Variants in FAM3C observed in about 807,000 individuals in gnomAD.
The protein encoded by FAM3C is protein FAM3C.
In FAM3C, 15 loss-of-function variants were observed where a neutral mutation model predicts 32.5. The ratio of observed to expected loss-of-function variants is 0.46; its 90% CI spans 0.31 to 0.71. FAM3C has a LOEUF of 0.71. Ranked by LOEUF, FAM3C falls within the 30% of genes least tolerant of loss-of-function variation. FAM3C has a pLI of 0.05. For missense variants in FAM3C, 175 were observed against 274.4 expected (o/e 0.64, Z 2.56); for synonymous variants, 75 against 86.1 (o/e 0.87, Z 0.72).
intron 2 of FAM3C, among the ~76,000 whole-genome samples, chr7:121,379,926 A>G (rs1412065526): frequency 6.6e-6 from 1 of 152,138 alleles, no homozygotes; most frequent in Non-Finnish European, 1.5e-5. Flanking sequence ...ATACTAATCA[A>G]TCCCTGCCTC....
intron 8 of FAM3C, among the ~76,000 whole-genome samples, chr7:121,358,508 T>C (rs1012080725): frequency 4.6e-5 from 7 of 152,046 alleles, no homozygotes; most frequent in African/African-American, 1.7e-4. Flanking sequence ...AGGCATGAAG[T>C]ACAATTACTT....
intron 1 of FAM3C, among the ~76,000 whole-genome samples, chr7:121,383,347 T>C (rs1426325985): frequency 6.6e-6 from 1 of 152,166 alleles, no homozygotes; most frequent in African/African-American, 2.4e-5. Context: ...ACCTTCAGTT[T>C]GCAGATGATG....
Position 121,349,531 on chromosome 7 carries a change from T to G in FAM3C, c.*930A>C, listed in dbSNP as rs574121233. ...TCGGGCAATAATTGCTATTATGAAGTTAGATAAACACAGGATTAATTTCTT... is the reference window on the plus strand; with the variant it reads ...TCGGGCAATAATTGCTATTATGAAGGTAGATAAACACAGGATTAATTTCTT... On this transcript the variant is annotated 3_prime_UTR_variant, in exon 10 of 10. Coordinates refer to ENST00000359943, the MANE Select transcript of FAM3C (RefSeq NM_014888.3). 3.9e-5 allele frequency: 6 copies of G among 152,254 alleles called. No homozygotes were observed. The South Asian group carries it at 1.0e-3, about 26-fold the overall frequency. 9.4% of individuals were successfully genotyped at this position (152,254 alleles called of 1,614,324 possible). A position where few individuals can be genotyped will look rare whatever the true frequency, so the allele number is the denominator to read the frequency against.
chr7:121,363,234 C>T (rs764007479), intron 6 of FAM3C, among the ~76,000 whole-genome samples: 83 of 152,066 alleles, frequency 5.5e-4, no homozygotes, highest in Non-Finnish European at 2.5e-4. Context: ...TAGACCATTC[C>T]AATTCGGTTA....
intron 1 of FAM3C, among the ~76,000 whole-genome samples, chr7:121,395,464 TA>T (rs74647810): frequency 0.037 from 5,215 of 141,720 alleles, 305 homozygotes; most frequent in African/African-American, 0.12. Context: ...TATTTTTTCT[TA>T]AAAAAAAAAA....
chr7:121,379,124 G>A (rs900372902), intron 2 of FAM3C, 110 bp from the exon 3 acceptor site: 37 of 616,004 alleles, frequency 6.0e-5, no homozygotes, highest in Non-Finnish European at 9.8e-5. Flanking sequence ...TTTCTACTTT[G>A]TATCTATTAG....
intron 7 of FAM3C, 73 bp from the exon 8 acceptor site, chr7:121,360,200 AT>A (rs1793891959): frequency 6.4e-6 from 5 of 780,292 alleles, no homozygotes; most frequent in South Asian, 3.0e-5. Context: ...TGAAAGTAGT[AT>A]TATAAAACAT....
At chr7:121,367,968 G>A (rs1794057111) in intron 5 of FAM3C, among the ~76,000 whole-genome samples, 1 of 150,954 alleles carries the variant, frequency 6.6e-6, no homozygotes. Context: ...CCTGTCTCTA[G>A]GTAAAAAAGA....
At chr7:121,357,442 A>G (rs1793835998) in intron 8 of FAM3C, among the ~76,000 whole-genome samples, 1 of 152,184 alleles carries the variant, frequency 6.6e-6, no homozygotes, top group Non-Finnish European at 1.5e-5. Flanking sequence ...AAGAGAGGGT[A>G]TATAACACAA....
chr7:121,385,890 C>T (rs1794456396), intron 1 of FAM3C, among the ~76,000 whole-genome samples: 1 of 152,108 alleles, frequency 6.6e-6, no homozygotes, highest in Non-Finnish European at 1.5e-5. Flanking sequence ...TTGCTGGGGG[C>T]ATTAAAACAG....
At chr7:121,385,991 C>T (rs1203680453) in intron 1 of FAM3C, among the ~76,000 whole-genome samples, 1 of 152,052 alleles carries the variant, frequency 6.6e-6, no homozygotes, top group South Asian at 2.1e-4. Context: ...CCTTTTCACT[C>T]CAGCTGTTCA....
chr7:121,350,573 T>C (rs376214592), intron 9 of FAM3C, 23 bp from the exon 10 acceptor site: 131 of 1,609,974 alleles, frequency 8.1e-5, no homozygotes, highest in Admixed American at 1.2e-4. Flanking sequence ...AGTAATAATA[T>C]ACAGTTTAAA....
chr7:121,353,940 G>C (rs1289219096), intron 8 of FAM3C, among the ~76,000 whole-genome samples: 3 of 152,094 alleles, frequency 2.0e-5, no homozygotes, highest in Non-Finnish European at 4.4e-5. Flanking sequence ...AGTGGTTTGG[G>C]GGACGTCTAA....
chr7:121,366,097 G>T (rs890679249), intron 5 of FAM3C, among the ~76,000 whole-genome samples: 1 of 152,098 alleles, frequency 6.6e-6, no homozygotes, highest in Non-Finnish European at 1.5e-5. Context: ...CACTGCTGGC[G>T]GAAATGCAAA....
At chr7:121,382,806 G>T in intron 2 of FAM3C, 151 bp downstream of exon 2, 1 of 567,400 alleles carries the variant, frequency 1.8e-6, no homozygotes, top group Non-Finnish European at 3.0e-6. Flanking sequence ...TTTGTGATTT[G>T]CCAACTACCT....
chr7:121,363,131 C>T (rs1793958802), intron 6 of FAM3C, among the ~76,000 whole-genome samples, 184 bp from the exon 7 acceptor site: 1 of 152,104 alleles, frequency 6.6e-6, no homozygotes, highest in African/African-American at 2.4e-5. Flanking sequence ...GAATCATATG[C>T]ACCTGAAATA....
At chr7:121,375,092 G>C (rs554994090) in intron 3 of FAM3C, among the ~76,000 whole-genome samples, 2 of 151,692 alleles carry the variant, frequency 1.3e-5, no homozygotes, top group Non-Finnish European at 2.9e-5. Flanking sequence ...ACAGGAAAAA[G>C]AGGAAAAAAA....
At chr7:121,371,534 C>T in intron 4 of FAM3C, 111 bp from the exon 5 acceptor site, 4 of 1,127,000 alleles carry the variant, frequency 3.5e-6, no homozygotes, top group Non-Finnish European at 5.0e-6. Context: ...CATCAAGATA[C>T]ACGTATCTTA....
chr7:121,356,428 GA>G (rs1282302379), intron 8 of FAM3C, among the ~76,000 whole-genome samples: 13 of 152,178 alleles, frequency 8.5e-5, no homozygotes, highest in Admixed American at 8.5e-4. Flanking sequence ...TCAAATACCT[GA>G]AGTATCAAAT....
Sources: allele counts gnomAD v4.1 joint callset (sites outside exome capture counted in the v4.1 genomes callset), GRCh38; gene constraint gnomAD v4.1.1; transcripts MANE v1.5; gene names NCBI Gene and HGNC (gene_info 2026-07-23, HGNC 2026-07-21).